The following SCNN1G variants were observed in gnomAD, a reference collection of about 807,000 sequenced individuals.
SCNN1G encodes the protein sodium channel epithelial 1 subunit gamma, also known as epithelial sodium channel subunit gamma.
A neutral mutation model predicts 64.6 loss-of-function variants in SCNN1G; 27 were observed. That is an observed-to-expected ratio of 0.42 (90% CI 0.31 to 0.58). The LOEUF is 0.58. Ranked by LOEUF, SCNN1G falls within the 20% of genes least tolerant of loss-of-function variation. SCNN1G has a pLI of 0.18. For synonymous variants in SCNN1G, 330 were observed against 314.2 expected, an observed-to-expected ratio of 1.05 and a Z score of -0.53; for missense variants, 743 against 823.4, an observed-to-expected ratio of 0.90 and a Z score of 1.19.
intron 1 of SCNN1G, among the ~76,000 whole-genome samples, chr16:23,183,912 GC>G (rs1249320616): frequency 1.3e-5 from 2 of 152,200 alleles, no homozygotes; most frequent in Non-Finnish European, 2.9e-5. Flanking sequence ...CCTTGGGCAA[GC>G]TACTTAACCT....
intron 5 of SCNN1G, among the ~76,000 whole-genome samples, chr16:23,195,272 T>C (rs1162321095): frequency 1.3e-5 from 2 of 152,224 alleles, no homozygotes; most frequent in Non-Finnish European, 2.9e-5. Flanking sequence ...TTATTACCGT[T>C]ACTAGCATTG....
At chr16:23,207,583 C>A (rs1047322541) in intron 6 of SCNN1G, among the ~76,000 whole-genome samples, 6 of 152,134 alleles carry the variant, frequency 3.9e-5, no homozygotes, top group African/African-American at 1.2e-4. Flanking sequence ...GTGAGAAGGG[C>A]GGGTTGCAGG....
intron 5 of SCNN1G, 127 bp downstream of exon 5, chr16:23,194,401 T>A (rs1440746548): frequency 2.8e-6 from 2 of 720,374 alleles, no homozygotes; most frequent in Non-Finnish European, 5.1e-6. Flanking sequence ...AAACCAGGGA[T>A]GCCCCTTTTT....
rs72646489 is a variant in SCNN1G, at chr16:23,186,612, G to T, written c.317+24G>T. 541 of 1,601,102 alleles carry T rather than the reference G, an allele frequency of 3.4e-4. 5 individuals are homozygous for T. The African/African-American group carries it at 6.0e-3, about 18-fold the overall frequency. On this transcript the variant is annotated intron_variant, in intron 2 of 12. Coordinates refer to ENST00000300061, the MANE Select transcript of SCNN1G (RefSeq NM_001039.4). ...AAGTAAGAGGCATGAGCAGGGAAAC[G>T]CGAGTAGGGAGCCAGGCCCCCCACA...
intron 4 of SCNN1G, 30 bp from the exon 5 acceptor site, chr16:23,194,140 TC>T: frequency 6.8e-7 from 1 of 1,465,230 alleles, no homozygotes; most frequent in Non-Finnish European, 9.6e-7. Flanking sequence ...ATGGGGGAGA[TC>T]CCTTTCTGAC....
At chr16:23,203,806 T>G (rs1959933038) in intron 6 of SCNN1G, among the ~76,000 whole-genome samples, 1 of 143,694 alleles carries the variant, frequency 7.0e-6, no homozygotes, top group Non-Finnish European at 1.5e-5. Flanking sequence ...AGAGCTCTGA[T>G]GGCTGAGATT....
chr16:23,213,213 G>A, intron 11 of SCNN1G, 50 bp downstream of exon 11: 1 of 1,280,952 alleles, frequency 7.8e-7, no homozygotes, highest in Non-Finnish European at 1.1e-6. Context: ...ACAGCCCCCA[G>A]CCTTCTCACT....
rs148502526 is a variant in SCNN1G at position 23,186,467 on chromosome 16, C to T, written c.196C>T (p.Leu66Phe). Residue 66 changes from leucine (L) to phenylalanine (F), a missense_variant, in exon 2 of 13, where the codon CTC (leucine) becomes TTC (phenylalanine). By Grantham distance (22) the Leu-to-Phe change is conservative. Coordinates refer to ENST00000300061, the MANE Select transcript of SCNN1G (RefSeq NM_001039.4). The stretch of plus-strand genomic sequence containing the variant: ...CGGGTTCACACTGACTGCCGTGGCC[C>T]TCATCCTCTGGCAGTGCGCCCTCCT... The part of the protein sequence containing the change: ...WIGFTLTAVA[L>F]ILWQCALLVF... The T allele has an allele frequency of 3.1e-6, 5 of 1,614,078 alleles. No individual in the cohort carries two copies. Among genetic ancestry groups the T allele is most frequent in the Admixed American group, 1.7e-5 (1 of 60,014 alleles).
Position 23,215,790 on chromosome 16 carries a change from T to G in SCNN1G, c.*321T>G, listed in dbSNP as rs765462966. On this transcript the variant is annotated 3_prime_UTR_variant, in exon 13 of 13. Coordinates refer to ENST00000300061, the MANE Select transcript of SCNN1G (RefSeq NM_001039.4). The stretch of plus-strand genomic sequence containing the variant: ...AGGCCAGAGTGAGGACTGATGCAGC[T>G]CTTTACGGGTCTTGAGAGGGAAGGA... 1 of 427,358 alleles carries G rather than the reference T, an allele frequency of 2.3e-6. No homozygotes were observed. The highest frequency in any genetic ancestry group is 4.4e-6 in the Non-Finnish European group (1 of 229,784). 26.5% of individuals were successfully genotyped at this position (427,358 alleles called of 1,614,324 possible). A position where few individuals can be genotyped will look rare whatever the true frequency, so the allele number is the denominator to read the frequency against.
At position 23,189,401 on chromosome 16, in the gene SCNN1G, C is replaced by T. The variant is rs749959341; in HGVS notation, c.348C>T (p.Asp116=). Residue 116 remains aspartate (D), a synonymous_variant, in exon 3 of 13, where the codon GAC becomes GAT. Transcript: ENST00000300061. ...GCACCGTTCGCCACCTTCTAGCTGA[C>T]TTGGAACAGGAGACCAGAGAGGCCC... The part of the protein sequence containing the change: ...KYSTVRHLLA[D]LEQETREALK... 2 of 1,614,104 alleles carry T rather than the reference C, an allele frequency of 1.2e-6. No individual in the cohort carries two copies. Among genetic ancestry groups the T allele is most frequent in the Non-Finnish European group, 1.7e-6 (2 of 1,180,038 alleles).
Position 23,216,599 on chromosome 16 carries a change from T to G in SCNN1G, c.*1130T>G, listed in dbSNP as rs1031095842. On this transcript the variant is annotated 3_prime_UTR_variant, in exon 13 of 13. Coordinates refer to ENST00000300061, the MANE Select transcript of SCNN1G (RefSeq NM_001039.4). ...ATGGTGTTCCGCAAAGCAAATCCTGTTTTTGACCATGAACTAAGAATTTTA... is the reference window on the plus strand; with the variant it reads ...ATGGTGTTCCGCAAAGCAAATCCTGGTTTTGACCATGAACTAAGAATTTTA... 1 of 152,170 alleles carries G rather than the reference T, an allele frequency of 6.6e-6. No homozygotes were observed. The highest frequency in any genetic ancestry group is 2.4e-5 in the African/African-American group (1 of 41,424). The allele number at this position is 152,170 out of a possible 1,614,324, so 9.4% of individuals were successfully genotyped here. A position where few individuals can be genotyped will look rare whatever the true frequency, so the allele number is the denominator to read the frequency against.
Position 23,209,760 on chromosome 16 carries a change from T to G in SCNN1G, c.1088T>G (p.Phe363Cys). Residue 363 changes from phenylalanine (F) to cysteine (C), a missense_variant, in exon 7 of 13, where the codon TTC (phenylalanine) becomes TGC (cysteine). By Grantham distance (205) the Phe-to-Cys change is radical. Coordinates refer to ENST00000300061, the MANE Select transcript of SCNN1G (RefSeq NM_001039.4). ...CTGCTGTGATTGCAGACAGAGTCCT[T>G]CAAGCTGAGTGAGCCCTACAGTCAG... ...TSIGMHLTES[F>C]KLSEPYSQCT... is the part of the protein sequence containing the mutation. 6.2e-7 allele frequency: 1 copy of G among 1,613,622 alleles called. No homozygotes were observed. The highest frequency in any genetic ancestry group is 8.5e-7 in the Non-Finnish European group (1 of 1,179,540).
chr16:23,212,953 T>C (rs1960104172), intron 10 of SCNN1G, 59 bp downstream of exon 10: 3 of 1,575,918 alleles, frequency 1.9e-6, no homozygotes, highest in East Asian at 2.2e-5. Flanking sequence ...CCCACTGACA[T>C]TTTTGCTGTG....
At chr16:23,194,538 G>A (rs1222551531) in intron 5 of SCNN1G, among the ~76,000 whole-genome samples, 2 of 152,208 alleles carry the variant, frequency 1.3e-5, no homozygotes, top group African/African-American at 2.4e-5. Context: ...TTCTGCTAGG[G>A]AACTACTCTG....
intron 6 of SCNN1G, among the ~76,000 whole-genome samples, chr16:23,198,295 G>A (rs1959830234): frequency 1.3e-5 from 2 of 152,208 alleles, no homozygotes; most frequent in South Asian, 4.1e-4. Context: ...CCCAATGGGA[G>A]CTGAATGGCA....
rs572726515 is a variant in SCNN1G at position 23,210,357 on chromosome 16, A to G, written c.1176+509A>G. On this transcript the variant is annotated intron_variant, in intron 7 of 12. Transcript: ENST00000300061. ...TGTTCGAAAGTCAAGGAATTTCACA[A>G]GAAAATCCAGATTTCCAGCCTCTCG... is the stretch of plus-strand genomic sequence containing the variant. Among the ~76,000 whole-genome samples, 3 of 152,344 alleles carry G rather than the reference A, an allele frequency of 2.0e-5. No individual in the cohort carries two copies. In the South Asian group the frequency reaches 6.2e-4, roughly 32 times the overall value.
chr16:23,189,441 G>T lies in SCNN1G; in HGVS notation c.388G>T (p.Gly130Cys), dbSNP rs372056840. 2 of 1,614,174 alleles carry T rather than the reference G, an allele frequency of 1.2e-6. No individual in the cohort carries two copies. Among genetic ancestry groups the T allele is most frequent in the East Asian group, 2.2e-5 (1 of 44,866 alleles). The change falls in exon 3 of 13, where the codon GGC becomes TGC. Residue 130 changes from glycine to cysteine, a missense_variant. Physicochemically the swap from Gly to Cys is radical, Grantham distance 159. Coordinates refer to ENST00000300061, the MANE Select transcript of SCNN1G (RefSeq NM_001039.4). Reference sequence around the variant, plus strand: ...CAGAGAGGCCCTGAAGTCCCTGTATGGCTTTCCAGAGTCCCGGAAGCGCCG... The same window carrying T: ...CAGAGAGGCCCTGAAGTCCCTGTATTGCTTTCCAGAGTCCCGGAAGCGCCG... ...ETREALKSLYGFPESRKRREA... is the reference protein window; with the variant it reads ...ETREALKSLYCFPESRKRREA...
intron 2 of SCNN1G, among the ~76,000 whole-genome samples, chr16:23,188,167 C>T (rs1019372978): frequency 6.6e-6 from 1 of 152,140 alleles, no homozygotes; most frequent in Non-Finnish European, 1.5e-5. Flanking sequence ...CCTAGTGGAG[C>T]TTATACTGTA....
chr16:23,194,478 T>C (rs532272529), intron 5 of SCNN1G, among the ~76,000 whole-genome samples: 2 of 152,366 alleles, frequency 1.3e-5, no homozygotes, highest in African/African-American at 4.8e-5. Context: ...TTTTCCTTTT[T>C]GACTTTTCTT....
Sources: allele counts gnomAD v4.1 joint callset (sites outside exome capture counted in the v4.1 genomes callset), GRCh38; gene constraint gnomAD v4.1.1; transcripts MANE v1.5; gene names NCBI Gene and HGNC (gene_info 2026-07-23, HGNC 2026-07-21).